Variants in TM4SF20 observed in about 807,000 individuals in gnomAD.
TM4SF20 encodes transmembrane 4 L six family member 20, also known as transmembrane 4 L6 family member 20.
In TM4SF20, 13 loss-of-function variants were observed where a neutral mutation model predicts 15.1. That is an observed-to-expected ratio of 0.86 (90% CI 0.56 to 1.36). The LOEUF (loss-of-function observed/expected upper bound fraction) is 1.36, where lower values mean the gene tolerates loss of function less well. TM4SF20 is among the 40% of genes most tolerant of loss of function. The pLI is 0.00. For missense variants in TM4SF20, 282 were observed against 268.4 expected, an observed-to-expected ratio of 1.05 and a Z score of -0.35; for synonymous variants, 92 against 96.6, an observed-to-expected ratio of 0.95 and a Z score of 0.28.
intron 1 of TM4SF20, among the ~76,000 whole-genome samples, chr2:227,373,708 A>G (rs10933182): frequency 0.83 from 125,719 of 151,936 alleles, 52,352 homozygotes; most frequent in East Asian, 0.9. Context: ...AGGTGGGCGG[A>G]TCACGAGATC....
chr2:227,367,784 A>G (rs1335966054), intron 2 of TM4SF20, among the ~76,000 whole-genome samples: 1 of 152,118 alleles, frequency 6.6e-6, no homozygotes, highest in Non-Finnish European at 1.5e-5. Context: ...AGAGGTAGAT[A>G]CTATTATTAT....
At chr2:227,372,508 G>C (rs776040237) in intron 1 of TM4SF20, among the ~76,000 whole-genome samples, 1 of 152,222 alleles carries the variant, frequency 6.6e-6, no homozygotes, top group Admixed American at 6.5e-5. Flanking sequence ...GCTGGGCGAG[G>C]TGGTGCACAC....
chr2:227,379,476 G>C, upstream of TM4SF20: 10 of 427,360 alleles, frequency 2.3e-5, no homozygotes, highest in East Asian at 7.1e-5. Flanking sequence ...GTGAAGGAAG[G>C]AAAGCAGAAA....
rs1185701792 is a variant in TM4SF20 at position 227,364,135 on chromosome 2, C to CA, written c.402-124dup. 4.0e-5 allele frequency: 40 copies of CA among 1,011,316 alleles called. 1 individual carries two copies. Among genetic ancestry groups the CA allele is most frequent in the Non-Finnish European group, 8.5e-6 (6 of 710,026 alleles). The allele number at this position is 1,011,316 out of a possible 1,614,324, so 62.6% of individuals were successfully genotyped here. On this transcript the variant is annotated intron_variant, in intron 3 of 3. Transcript: ENST00000304568. Reference sequence around the variant, plus strand: ...TTTGAAATATCGTGCCCAGAAATGACAGAGATCAGGGTTTCTGAGCATGTG... The same window carrying CA: ...TTTGAAATATCGTGCCCAGAAATGACAAGAGATCAGGGTTTCTGAGCATGTG...
chr2:227,380,980 T>G (rs1285446511), upstream of TM4SF20, among the ~76,000 whole-genome samples: 3 of 152,052 alleles, frequency 2.0e-5, no homozygotes, highest in Non-Finnish European at 4.4e-5. Context: ...GGATTAAAAA[T>G]AACCCACCTA....
chr2:227,375,578 C>T (rs904903806), intron 1 of TM4SF20, among the ~76,000 whole-genome samples: 2 of 152,172 alleles, frequency 1.3e-5, no homozygotes, highest in Admixed American at 1.3e-4. Flanking sequence ...CGAGCTCCAC[C>T]TCCTGGGTTC....
chr2:227,363,857 A>G lies in TM4SF20; in HGVS notation c.557T>C (p.Leu186Pro). Residue 186 changes from leucine to proline, a missense_variant, in exon 4 of 4, where the codon CTT becomes CCT. Physicochemically the swap from Leu to Pro is moderately conservative, Grantham distance 98. Transcript: ENST00000304568. ...HFDSEENKHR[L>P]IHFSVFLGLL... ...ACCTAAAAATACTGAGAAGTGGATA[A>G]GCCTATGTTTGTTTTCTTCAGAATC... 1 of 1,614,204 alleles carries G rather than the reference A, an allele frequency of 6.2e-7. No individual in the cohort carries two copies. The highest frequency in any genetic ancestry group is 8.5e-7 in the Non-Finnish European group (1 of 1,180,034).
At chr2:227,367,886 T>C (rs2076400552) in intron 2 of TM4SF20, among the ~76,000 whole-genome samples, 1 of 152,190 alleles carries the variant, frequency 6.6e-6, no homozygotes, top group Non-Finnish European at 1.5e-5. Flanking sequence ...TCACTATTCT[T>C]CTTCCAGCCA....
chr2:227,364,440 G>A (rs568000394), intron 3 of TM4SF20, among the ~76,000 whole-genome samples: 5 of 148,566 alleles, frequency 3.4e-5, no homozygotes, highest in East Asian at 2.0e-4. Context: ...ACAGCGTGGC[G>A]TCCGTTCTTC....
At chr2:227,370,212 G>A (rs757214485) in intron 2 of TM4SF20, among the ~76,000 whole-genome samples, 12 of 152,168 alleles carry the variant, frequency 7.9e-5, no homozygotes, top group Non-Finnish European at 1.6e-4. Context: ...AAACCAGTCT[G>A]TCATTGCATG....
At chr2:227,365,471 T>C (rs2076388210) in intron 3 of TM4SF20, among the ~76,000 whole-genome samples, 1 of 152,190 alleles carries the variant, frequency 6.6e-6, no homozygotes, top group Non-Finnish European at 1.5e-5. Flanking sequence ...ACTTATTAAG[T>C]ACATGTAACT....
chr2:227,368,355 A>ATATATATATATATATATAT (rs397988096), intron 2 of TM4SF20, among the ~76,000 whole-genome samples: 25 of 131,998 alleles, frequency 1.9e-4, no homozygotes, highest in Non-Finnish European at 3.0e-4. Flanking sequence ...ATATATATAT[A>ATATATATATATATATATAT]ATTTTTTGTT....
chr2:227,364,082 A>G, intron 3 of TM4SF20, 70 bp from the exon 4 acceptor site: 1 of 1,426,586 alleles, frequency 7.0e-7, no homozygotes, highest in Non-Finnish European at 9.4e-7. Context: ...CATTGTGCAC[A>G]TAAAAGAATG....
intron 3 of TM4SF20, among the ~76,000 whole-genome samples, chr2:227,365,824 T>C (rs915669838): frequency 6.6e-6 from 1 of 152,196 alleles, no homozygotes; most frequent in South Asian, 2.1e-4. Flanking sequence ...TAACTGTAGA[T>C]TTTTGAAAGA....
At chr2:227,366,716 C>CAAAAAAAAAAAAAAAAAAAAAAAA (rs59401554) in intron 2 of TM4SF20, among the ~76,000 whole-genome samples, 2 of 68,190 alleles carry the variant, frequency 2.9e-5, no homozygotes, top group Admixed American at 2.5e-4. Context: ...AAGACTCTGT[C>CAAAAAAAAAAAAAAAAAAAAAAAA]AAAAAAAAAA....
At chr2:227,379,889 G>A (rs759756758), upstream of TM4SF20, among the ~76,000 whole-genome samples, 9 of 152,328 alleles carry the variant, frequency 5.9e-5, no homozygotes, top group Middle Eastern at 3.4e-3. Context: ...GATTGGATGA[G>A]GAGATTATCA....
chr2:227,375,692 T>C (rs966260658), intron 1 of TM4SF20, among the ~76,000 whole-genome samples: 13 of 152,146 alleles, frequency 8.5e-5, no homozygotes, highest in Non-Finnish European at 1.8e-4. Flanking sequence ...CGTTTCACCG[T>C]GTTAGCCAGG....
intron 1 of TM4SF20, 66 bp downstream of exon 1, chr2:227,379,020 A>AG: frequency 6.6e-7 from 1 of 1,518,878 alleles, no homozygotes; most frequent in South Asian, 1.2e-5. Flanking sequence ...ACTGGAAGAC[A>AG]GCTTTTAGGA....
chr2:227,366,548 C>CA (rs2076393875), intron 2 of TM4SF20, among the ~76,000 whole-genome samples: 1 of 151,486 alleles, frequency 6.6e-6, no homozygotes, highest in South Asian at 2.1e-4. Flanking sequence ...GCCAACATGG[C>CA]AAAACCCCCT....
Sources: allele counts gnomAD v4.1 joint callset (sites outside exome capture counted in the v4.1 genomes callset), GRCh38; gene constraint gnomAD v4.1.1; transcripts MANE v1.5; gene names NCBI Gene and HGNC (gene_info 2026-07-23, HGNC 2026-07-21).